Variants in LSR observed in about 807,000 individuals in gnomAD.
LSR encodes the protein lipolysis stimulated lipoprotein receptor.
A neutral mutation model predicts 61.8 loss-of-function variants in LSR; 44 were observed. The observed-to-expected ratio is 0.71, with a 90% CI of 0.56 to 0.91. The LOEUF is 0.91. Ranked by LOEUF, LSR falls within the 40% of genes least tolerant of loss-of-function variation. The pLI is 0.00. For synonymous variants in LSR, 397 were observed against 350.6 expected (o/e 1.13, Z -1.48); for missense variants, 911 against 830.5 (o/e 1.10, Z -1.19).
At chr19:35,261,765 C>T (rs1052396349) in intron 3 of LSR, among the ~76,000 whole-genome samples, 160 bp from the exon 4 acceptor site, 1 of 152,146 alleles carries the variant, frequency 6.6e-6, no homozygotes, top group Non-Finnish European at 1.5e-5. Flanking sequence ...CACATGTGGG[C>T]GGGTGGAGGG....
Position 35,266,501 on chromosome 19 carries a change from A to G in LSR, c.921A>G (p.Gly307=). ...CTGCCTACAACGGGTACCCTGGAGG[A>G]TACCCTGGAGACGTTGACAGGAGTA... ...MGPAYNGYPG[G]YPGDVDRSSS... is the part of the protein sequence containing the mutation. Residue 307 remains glycine, a synonymous_variant, in exon 6 of 10, where the codon GGA becomes GGG. Coordinates refer to ENST00000605618, the MANE Select transcript of LSR (RefSeq NM_205834.4). 6.2e-7 allele frequency: 1 copy of G among 1,610,286 alleles called. No homozygotes were observed. The highest frequency in any genetic ancestry group is 2.2e-5 in the East Asian group (1 of 44,824).
At position 35,250,295 on chromosome 19, in the gene LSR, GTC is replaced by G; in HGVS notation, c.110-15_110-14del. 6.7e-7 allele frequency: 1 copy of G among 1,502,380 alleles called. No homozygotes were observed. Among genetic ancestry groups the G allele is most frequent in the Non-Finnish European group, 9.0e-7 (1 of 1,116,210 alleles). The allele number at this position is 1,502,380 out of a possible 1,614,324, so 93.1% of individuals were successfully genotyped here. A position where few individuals can be genotyped will look rare whatever the true frequency, so the allele number is the denominator to read the frequency against. ...CCCTGAGCTCACAGCAACCCTTGCT[GTC>G]TCTCCTCTTGCCCTCAGCTCCTGCC... is the stretch of plus-strand genomic sequence containing the variant. On this transcript the variant is annotated intron_variant, in intron 1 of 9. Transcript: ENST00000605618.
At chr19:35,256,629 T>C (rs2065859672) in intron 2 of LSR, among the ~76,000 whole-genome samples, 1 of 152,222 alleles carries the variant, frequency 6.6e-6, no homozygotes, top group Non-Finnish European at 1.5e-5. Flanking sequence ...TTGAGAACTG[T>C]TGCTGTGGTA....
Position 35,267,714 on chromosome 19 carries a change from C to G in LSR, c.1750C>G (p.Arg584Gly), listed in dbSNP as rs772677428. The G allele has an allele frequency of 1.2e-6, 2 of 1,604,768 alleles. No homozygotes were observed. The highest frequency in any genetic ancestry group is 1.1e-5 in the South Asian group (1 of 90,658). The part of the protein sequence containing the change: ...PYSETDSQAS[R>G]ERRLKKNLAL... ...CTCGGAGACCGACTCGCAGGCGTCCCGAGAGCGCAGGCTCAAGAAGGTGAG... is the reference window on the plus strand; with the variant it reads ...CTCGGAGACCGACTCGCAGGCGTCCGGAGAGCGCAGGCTCAAGAAGGTGAG... Residue 584 changes from arginine to glycine, a missense_variant, in exon 9 of 10, where the codon CGA (arginine) becomes GGA (glycine). Coordinates refer to ENST00000605618, the MANE Select transcript of LSR (RefSeq NM_205834.4).
intron 5 of LSR, among the ~76,000 whole-genome samples, chr19:35,265,815 C>CA (rs2065989817): frequency 8.8e-6 from 1 of 113,816 alleles, no homozygotes; most frequent in African/African-American, 2.9e-5. Context: ...GGAAGGTGAC[C>CA]AGGTGGGCAG....
At chr19:35,261,900 ATC>A (rs771829747) in intron 3 of LSR, 23 bp from the exon 4 acceptor site, 23 of 1,429,696 alleles carry the variant, frequency 1.6e-5, no homozygotes, top group Middle Eastern at 1.8e-4. Context: ...GGCCAGCATA[ATC>A]TGTTTCTCTT....
intron 2 of LSR, among the ~76,000 whole-genome samples, 174 bp from the exon 3 acceptor site, chr19:35,258,771 T>C (rs2065886869): frequency 6.6e-6 from 1 of 151,992 alleles, no homozygotes; most frequent in African/African-American, 2.4e-5. Flanking sequence ...TAGAACGGGG[T>C]GTAAAAGGCC....
At chr19:35,262,881 A>G (rs930790240) in intron 5 of LSR, 189 bp downstream of exon 5, 10 of 619,980 alleles carry the variant, frequency 1.6e-5, no homozygotes, top group Non-Finnish European at 2.2e-5. Flanking sequence ...CTTTTAGTTT[A>G]TTTTTATTTA....
chr19:35,254,480 C>G (rs552520879), intron 2 of LSR, among the ~76,000 whole-genome samples: 1 of 152,318 alleles, frequency 6.6e-6, no homozygotes, highest in South Asian at 2.1e-4. Context: ...GTGGCTCATT[C>G]CCTGCTTTGT....
At position 35,262,557 on chromosome 19, in the gene LSR, G is replaced by A. The variant is rs146621625; in HGVS notation, c.643G>A (p.Val215Met). Reference sequence around the variant, plus strand: ...TTGTCTTTCTGCAGACTGGCTCTTCGTGGTTGTGGTATGCCTGGCTGCCTT... The same window carrying A: ...TTGTCTTTCTGCAGACTGGCTCTTCATGGTTGTGGTATGCCTGGCTGCCTT... ...QAGPIEDWLF[V>M]VVVCLAAFLI... The change falls in exon 5 of 10, where the codon GTG becomes ATG. Residue 215 changes from valine to methionine, a missense_variant. By Grantham distance (21) the Val-to-Met change is conservative. Transcript: ENST00000605618. 3.5e-5 allele frequency: 57 copies of A among 1,614,096 alleles called. No homozygotes were observed. The African/African-American group carries it at 5.3e-4, about 15-fold the overall frequency.
rs764264320 is a variant in LSR at position 35,267,826 on chromosome 19, C to T, written c.1773C>T (p.Asn591=). ...QASRERRLKK[N]LALSRESLVV ...CCTTCTTTCTTTCTCCCTTGCAGAA[C>T]TTGGCCCTGAGTCGGGAAAGTTTAG... is the stretch of plus-strand genomic sequence containing the variant. The change falls in exon 10 of 10, where the codon AAC becomes AAT. Residue 591 remains asparagine, a splice_region_variant and synonymous_variant. Coordinates refer to ENST00000605618, the MANE Select transcript of LSR (RefSeq NM_205834.4). 4.3e-6 allele frequency: 7 copies of T among 1,614,092 alleles called. No homozygotes were observed. The highest frequency in any genetic ancestry group is 1.7e-5 in the Admixed American group (1 of 60,030).
rs2065782089 is a variant in LSR, at chr19:35,250,646, T to C, written c.441T>C (p.Ile147=). The change falls in exon 2 of 10, where the codon ATT becomes ATC. Residue 147 remains isoleucine, a synonymous_variant. Coordinates refer to ENST00000605618, the MANE Select transcript of LSR (RefSeq NM_205834.4). The stretch of plus-strand genomic sequence containing the variant: ...GAGATTACTACCAGGGCCGGAGGAT[T>C]ACCATCACCGGAAGTATGTTGGGCA... The part of the protein sequence containing the change: ...TLGDYYQGRR[I]TITGNADLTF... The C allele has an allele frequency of 3.8e-6, 6 of 1,562,682 alleles. No individual in the cohort carries two copies. Among genetic ancestry groups the C allele is most frequent in the Non-Finnish European group, 5.2e-6 (6 of 1,147,176 alleles).
chr19:35,252,841 C>T (rs1055190397), intron 2 of LSR, among the ~76,000 whole-genome samples: 1 of 151,444 alleles, frequency 6.6e-6, no homozygotes, highest in African/African-American at 2.4e-5. Context: ...AATGAGACCC[C>T]ATGTCTACAA....
intron 1 of LSR, among the ~76,000 whole-genome samples, chr19:35,249,897 G>C (rs756234777): frequency 3.3e-5 from 5 of 152,140 alleles, no homozygotes; most frequent in Non-Finnish European, 7.3e-5. Flanking sequence ...AAAAGGCCCC[G>C]GGTAACCTGG....
chr19:35,267,850 A>T lies in LSR; in HGVS notation c.1797A>T (p.Leu599Phe). Residue 599 changes from leucine (L) to phenylalanine (F), a missense_variant, in exon 10 of 10, where the codon TTA (leucine) becomes TTT (phenylalanine). Transcript: ENST00000605618. ...ACTTGGCCCTGAGTCGGGAAAGTTTAGTCGTCTGATCTGACGTTTTCTACG... is the reference window on the plus strand; with the variant it reads ...ACTTGGCCCTGAGTCGGGAAAGTTTTGTCGTCTGATCTGACGTTTTCTACG... ...KKNLALSRES[L>F]VV 1 of 1,613,168 alleles carries T rather than the reference A, an allele frequency of 6.2e-7. No homozygotes were observed. The highest frequency in any genetic ancestry group is 8.5e-7 in the Non-Finnish European group (1 of 1,179,784).
intron 2 of LSR, chr19:35,251,840 G>GTTATTTTTTTTTTTTTTTTT (rs1339584339): frequency 8.3e-6 from 1 of 120,550 alleles, no homozygotes; most frequent in African/African-American, 3.2e-5. Flanking sequence ...TGAGAACCTT[G>GTTATTTTTTTTTTTTTTTTT]TTCTTTTTTT....
intron 1 of LSR, chr19:35,249,425 C>G (rs1356901895): frequency 4.8e-6 from 2 of 416,172 alleles, no homozygotes; most frequent in East Asian, 9.2e-5. Flanking sequence ...AGTGGAAGAC[C>G]GCCCGATCTC....
chr19:35,258,915 G>A, intron 2 of LSR, 30 bp from the exon 3 acceptor site: 3 of 1,613,176 alleles, frequency 1.9e-6, no homozygotes, highest in Non-Finnish European at 2.5e-6. Flanking sequence ...AGCCTCCAAG[G>A]TGCCCTCACG....
chr19:35,258,018 G>C (rs1384587236), intron 2 of LSR, among the ~76,000 whole-genome samples: 2 of 152,128 alleles, frequency 1.3e-5, no homozygotes, highest in African/African-American at 2.4e-5. Flanking sequence ...GGCATCTCCT[G>C]GTACCTAGAA....
Sources: gnomAD v4.1 joint callset for allele counts (sites outside exome capture counted in the v4.1 genomes callset) on GRCh38, gnomAD v4.1.1 for gene constraint, MANE v1.5 for transcripts, NCBI Gene and HGNC (gene_info 2026-07-23, HGNC 2026-07-21) for gene names.